Variants in ATP8B4 observed in about 807,000 individuals in gnomAD.
ATP8B4 encodes probable phospholipid-transporting ATPase IM.
In ATP8B4, 133 loss-of-function variants were observed where a neutral mutation model predicts 145.6. The ratio of observed to expected loss-of-function variants is 0.91; its 90% CI spans 0.79 to 1.05. The LOEUF is 1.05. Among genes scored for constraint, ATP8B4 ranks in the 50% least tolerant of loss-of-function variants. The pLI is 0.00. For synonymous variants in ATP8B4, 507 were observed against 492.9 expected (o/e 1.03, Z -0.38); for missense variants, 1,458 against 1,425.2 (o/e 1.02, Z -0.37).
intron 20 of ATP8B4, chr15:49,901,732 T>C (rs1016862924): frequency 5.1e-6 from 2 of 392,378 alleles, no homozygotes; most frequent in Non-Finnish European, 9.8e-6. Flanking sequence ...AATAGTCCTC[T>C]GAGAAACATA....
chr15:50,054,103 C>T (rs1252927639), intron 3 of ATP8B4, among the ~76,000 whole-genome samples: 1 of 152,156 alleles, frequency 6.6e-6, no homozygotes, highest in African/African-American at 2.4e-5. Flanking sequence ...TCAACTGTAT[C>T]AAGAAATGCA....
chr15:49,973,549 T>G (rs915722322), intron 12 of ATP8B4, among the ~76,000 whole-genome samples: 1 of 152,154 alleles, frequency 6.6e-6, no homozygotes, highest in African/African-American at 2.4e-5. Flanking sequence ...AAATACTGAG[T>G]GAAAACAGGA....
intron 6 of ATP8B4, among the ~76,000 whole-genome samples, chr15:50,038,328 A>G (rs923551814): frequency 3.9e-5 from 6 of 152,230 alleles, no homozygotes; most frequent in African/African-American, 1.4e-4. Flanking sequence ...TGGCCCATGT[A>G]TATTCCACTA....
At chr15:49,882,742 T>C (rs1373534060) in intron 23 of ATP8B4, among the ~76,000 whole-genome samples, 2 of 152,152 alleles carry the variant, frequency 1.3e-5, no homozygotes, top group African/African-American at 4.8e-5. Flanking sequence ...AATGTGACTA[T>C]AAGATGGCAG....
At chr15:49,948,177 G>A (rs938511751) in intron 14 of ATP8B4, among the ~76,000 whole-genome samples, 11 of 151,826 alleles carry the variant, frequency 7.2e-5, no homozygotes, top group South Asian at 2.1e-4. Context: ...AATGGCTTAT[G>A]CCTGTAATCC....
intron 1 of ATP8B4, among the ~76,000 whole-genome samples, chr15:50,115,214 C>T (rs1365762399): frequency 6.6e-6 from 1 of 151,992 alleles, no homozygotes; most frequent in Non-Finnish European, 1.5e-5. Flanking sequence ...GCTCATGCCT[C>T]CAGTCCCACT....
chr15:49,943,105 G>A (rs1473316893), intron 14 of ATP8B4, among the ~76,000 whole-genome samples: 1 of 151,822 alleles, frequency 6.6e-6, no homozygotes. Context: ...GGGTTCAACA[G>A]CAGACTTGAT....
chr15:50,046,708 A>ATG (rs1195152212), intron 4 of ATP8B4, among the ~76,000 whole-genome samples: 1 of 152,202 alleles, frequency 6.6e-6, no homozygotes, highest in East Asian at 1.9e-4. Flanking sequence ...TGAACTATTT[A>ATG]TGTGTGTGTA....
At chr15:50,154,204 A>T (rs1246781343) in intron 1 of ATP8B4, among the ~76,000 whole-genome samples, 1 of 152,202 alleles carries the variant, frequency 6.6e-6, no homozygotes, top group Non-Finnish European at 1.5e-5. Context: ...TTACTTAAGG[A>T]CAAAAATTTA....
At chr15:50,089,760 G>C (rs1418955999) in intron 2 of ATP8B4, among the ~76,000 whole-genome samples, 2 of 151,832 alleles carry the variant, frequency 1.3e-5, no homozygotes, top group African/African-American at 2.4e-5. Flanking sequence ...TTACACTGTT[G>C]GTGGGAATAT....
chr15:50,098,266 A>ATT (rs71124319), intron 2 of ATP8B4, among the ~76,000 whole-genome samples: 3 of 41,766 alleles, frequency 7.2e-5, no homozygotes, highest in Admixed American at 4.2e-4. Flanking sequence ...TTGTCAGGTG[A>ATT]TTTTTTTTTT....
At chr15:49,898,381 T>C (rs1206120179) in intron 21 of ATP8B4, 130 bp from the exon 22 acceptor site, 14 of 979,910 alleles carry the variant, frequency 1.4e-5, no homozygotes, top group Non-Finnish European at 2.0e-5. Context: ...CTCCAAAAAG[T>C]CATTGTTGAT....
intron 14 of ATP8B4, among the ~76,000 whole-genome samples, chr15:49,941,665 T>C (rs1413477773): frequency 2.0e-5 from 3 of 152,184 alleles, no homozygotes; most frequent in Non-Finnish European, 4.4e-5. Context: ...AGATCTACCA[T>C]TGAATCCAGC....
At chr15:50,041,810 C>T (rs2051306463) in intron 5 of ATP8B4, among the ~76,000 whole-genome samples, 1 of 151,966 alleles carries the variant, frequency 6.6e-6, no homozygotes, top group Non-Finnish European at 1.5e-5. Context: ...TGTAGTGGTG[C>T]GTGCCTATAG....
chr15:49,878,763 C>T (rs1385201950), intron 24 of ATP8B4, among the ~76,000 whole-genome samples: 2 of 152,148 alleles, frequency 1.3e-5, no homozygotes, highest in Non-Finnish European at 2.9e-5. Flanking sequence ...CTTTCCTTGG[C>T]CATGGAGCTT....
chr15:49,920,505 A>G, intron 17 of ATP8B4, 95 bp from the exon 18 acceptor site: 1 of 1,368,910 alleles, frequency 7.3e-7, no homozygotes, highest in Admixed American at 2.7e-5. Flanking sequence ...TTTTCACTCA[A>G]ATTCATTTTG....
chr15:50,054,371 T>G (rs758378621), intron 3 of ATP8B4, among the ~76,000 whole-genome samples: 4 of 152,224 alleles, frequency 2.6e-5, no homozygotes, highest in Non-Finnish European at 4.4e-5. Flanking sequence ...AGAGTCACCA[T>G]GGGTCCAAAA....
chr15:49,954,577 T>C (rs1377771044), intron 14 of ATP8B4, among the ~76,000 whole-genome samples: 1 of 152,154 alleles, frequency 6.6e-6, no homozygotes, highest in Non-Finnish European at 1.5e-5. Context: ...GAAAAAATGC[T>C]CATGATCATT....
At chr15:50,060,356 C>T (rs1310708948) in intron 3 of ATP8B4, among the ~76,000 whole-genome samples, 1 of 152,178 alleles carries the variant, frequency 6.6e-6, no homozygotes, top group African/African-American at 2.4e-5. Flanking sequence ...TACTCATATT[C>T]ACCACAACGA....
Sources: gnomAD v4.1 joint callset for allele counts (sites outside exome capture counted in the v4.1 genomes callset) on GRCh38, gnomAD v4.1.1 for gene constraint, MANE v1.5 for transcripts, NCBI Gene and HGNC (gene_info 2026-07-23, HGNC 2026-07-21) for gene names.